The following SMC1B variants were observed in gnomAD, a reference collection of about 807,000 sequenced individuals.
SMC1B encodes the protein structural maintenance of chromosomes 1B.
Under a neutral mutation model 157.9 loss-of-function variants are expected in SMC1B, and 60 were observed. That is an observed-to-expected ratio of 0.38 (90% CI 0.31 to 0.47). SMC1B has a LOEUF of 0.47. SMC1B is among the 20% of genes least tolerant of loss of function. SMC1B has a pLI of 0.99. For missense variants in SMC1B, 1,165 were observed against 1,426.2 expected (o/e 0.82, Z 2.95); for synonymous variants, 445 against 483.0 (o/e 0.92, Z 1.03).
intron 18 of SMC1B, among the ~76,000 whole-genome samples, chr22:45,359,407 C>T (rs1320865688): frequency 2.0e-5 from 3 of 152,190 alleles, no homozygotes; most frequent in Non-Finnish European, 4.4e-5. Flanking sequence ...TCCGTCACCA[C>T]CTGGAGATAC....
intron 15 of SMC1B, 128 bp downstream of exon 15, chr22:45,369,826 A>C (rs2086813651): frequency 1.7e-6 from 1 of 600,836 alleles, no homozygotes; most frequent in South Asian, 2.1e-5. Flanking sequence ...TTACAAGCGT[A>C]AGCCACCGTG....
At position 45,394,687 on chromosome 22, in the gene SMC1B, G is replaced by T; in HGVS notation, c.1335C>A (p.Cys445Ter). 6.5e-7 allele frequency: 1 copy of T among 1,543,990 alleles called. No homozygotes were observed. The highest frequency in any genetic ancestry group is 8.8e-7 in the Non-Finnish European group (1 of 1,142,346). Reference sequence around the variant, plus strand: ...GAAATTTTTTTTACTCTACCTACATGCATGTCTTTGTATACTCCTCTAACT... The same window carrying T: ...GAAATTTTTTTTACTCTACCTACATTCATGTCTTTGTATACTCCTCTAACT... ...IEKLEEYTKT[C>*]MDCLKEKKQQ... Residue 445 changes from cysteine (C) to a stop codon, truncating the protein, a stop_gained and splice_region_variant, in exon 8 of 25, where the codon TGC (cysteine) becomes TGA (stop). Transcript: ENST00000357450. LOFTEE classifies it high-confidence loss of function.
Position 45,361,792 on chromosome 22 carries a change from G to C in SMC1B, c.2708+47C>G, listed in dbSNP as rs558259270. ...TACATTTCAGATAGTTGGTGTCCATGTTTAAAACTCTGACTAGGTCTTTCA... is the reference window on the plus strand; with the variant it reads ...TACATTTCAGATAGTTGGTGTCCATCTTTAAAACTCTGACTAGGTCTTTCA... On this transcript the variant is annotated intron_variant, in intron 17 of 24. Transcript: ENST00000357450. 5 of 1,573,572 alleles carry C rather than the reference G, an allele frequency of 3.2e-6. No homozygotes were observed. In the African/African-American group the frequency reaches 5.4e-5, roughly 17 times the overall value.
chr22:45,388,006 TGG>T (rs1326419352), intron 10 of SMC1B, among the ~76,000 whole-genome samples: 1 of 149,848 alleles, frequency 6.7e-6, no homozygotes, highest in African/African-American at 2.5e-5. Context: ...CACTCCAGCC[TGG>T]GTAACAAGGG....
In SMC1B at chr22:45,407,744, A is replaced by G. The variant is rs988168096; in HGVS notation, c.299-879T>C. On this transcript the variant is annotated intron_variant, in intron 2 of 24. Transcript: ENST00000357450. ...GATTACAGGCATGAGCCCCATGCCC[A>G]GCCTATATTATCTTATATAAAAATG... 2.0e-5 allele frequency among the ~76,000 whole-genome samples: 3 copies of G among 152,020 alleles called. No individual in the cohort carries two copies. In the East Asian group the frequency reaches 5.8e-4, roughly 30 times the overall value.
intron 15 of SMC1B, among the ~76,000 whole-genome samples, chr22:45,367,333 A>AGGTGATGC (rs2086786245): frequency 6.6e-6 from 1 of 152,122 alleles, no homozygotes; most frequent in African/African-American, 2.4e-5. Flanking sequence ...TTTTGGCACC[A>AGGTGATGC]GGTGATGCCT....
intron 2 of SMC1B, 39 bp downstream of exon 2, chr22:45,408,671 T>A (rs1453532571): frequency 7.0e-7 from 1 of 1,427,550 alleles, no homozygotes; most frequent in African/African-American, 1.5e-5. Flanking sequence ...CTTACTTGAC[T>A]CTTGAAAAAT....
chr22:45,383,613 T>C lies in SMC1B; in HGVS notation c.1912A>G (p.Thr638Ala). ...AATAATGTTCCATCAAGAGCTACTGTCTGTAAAAGTAAAAATATTTTGCCC... is the reference window on the plus strand; with the variant it reads ...AATAATGTTCCATCAAGAGCTACTGCCTGTAAAAGTAAAAATATTTTGCCC... ...IALSGPERQK[T>A]VALDGTLFLK... The change falls in exon 12 of 25, where the codon ACA (threonine) becomes GCA (alanine). Residue 638 changes from threonine (T) to alanine (A), a missense_variant and splice_region_variant. Transcript: ENST00000357450. The C allele has an allele frequency of 5.1e-6, 8 of 1,580,376 alleles. No individual in the cohort carries two copies. Among genetic ancestry groups the C allele is most frequent in the Non-Finnish European group, 6.8e-6 (8 of 1,170,928 alleles).
chr22:45,353,276 AAG>A (rs1462249610), intron 21 of SMC1B, among the ~76,000 whole-genome samples: 4 of 86,190 alleles, frequency 4.6e-5, no homozygotes, highest in African/African-American at 1.0e-4. Context: ...AAAAAAAAAA[AAG>A]AAAGAAAGAA....
At chr22:45,393,482 T>C in intron 9 of SMC1B, 152 bp downstream of exon 9, 2 of 609,520 alleles carry the variant, frequency 3.3e-6, no homozygotes, top group South Asian at 5.0e-5. Flanking sequence ...ACATTTTAAA[T>C]ATAAAGAGTC....
intron 12 of SMC1B, among the ~76,000 whole-genome samples, chr22:45,378,683 T>C (rs1346333315): frequency 6.6e-6 from 1 of 152,190 alleles, no homozygotes; most frequent in African/African-American, 2.4e-5. Flanking sequence ...TAACCTTTCC[T>C]TCTAAGAGTG....
At chr22:45,384,659 G>A (rs574271723) in intron 11 of SMC1B, among the ~76,000 whole-genome samples, 1 of 151,572 alleles carries the variant, frequency 6.6e-6, no homozygotes, top group East Asian at 1.9e-4. Context: ...GGCAGAGGTT[G>A]CAGTAAGCAG....
chr22:45,360,926 C>T (rs189211353), intron 17 of SMC1B, among the ~76,000 whole-genome samples: 1 of 150,770 alleles, frequency 6.6e-6, no homozygotes, highest in Non-Finnish European at 1.5e-5. Context: ...TTCAAATCGT[C>T]ATTGCCATCA....
chr22:45,378,784 C>T (rs2086907134), intron 12 of SMC1B, among the ~76,000 whole-genome samples: 1 of 152,068 alleles, frequency 6.6e-6, no homozygotes, highest in African/African-American at 2.4e-5. Context: ...GTGCTGCAAA[C>T]AGATTTATAA....
chr22:45,382,055 C>G (rs565904879), intron 12 of SMC1B, among the ~76,000 whole-genome samples: 63 of 152,022 alleles, frequency 4.1e-4, no homozygotes, highest in Middle Eastern at 6.8e-3. Flanking sequence ...AAGCTGGATC[C>G]CCAGTCATCA....
chr22:45,379,021 T>C (rs1222151996), intron 12 of SMC1B, among the ~76,000 whole-genome samples: 1 of 152,232 alleles, frequency 6.6e-6, no homozygotes, highest in East Asian at 1.9e-4. Context: ...CTTGCCTTGT[T>C]GCCCAGGCTG....
intron 17 of SMC1B, 111 bp downstream of exon 17, chr22:45,361,728 G>C: frequency 9.5e-7 from 1 of 1,053,168 alleles, no homozygotes; most frequent in Non-Finnish European, 1.4e-6. Flanking sequence ...GTGAGACCAA[G>C]AGCAACAAAG....
At chr22:45,408,634 C>T (rs1387742567) in intron 2 of SMC1B, 76 bp downstream of exon 2, 15 of 974,780 alleles carry the variant, frequency 1.5e-5, no homozygotes, top group Middle Eastern at 3.2e-4. Flanking sequence ...TAAACCATAC[C>T]CTCCAAAGAA....
intron 6 of SMC1B, among the ~76,000 whole-genome samples, chr22:45,397,286 G>A (rs1280615779): frequency 1.3e-5 from 2 of 152,164 alleles, no homozygotes; most frequent in East Asian, 3.9e-4. Flanking sequence ...GGAAGCCGAG[G>A]CAAGAGGATC....
Sources: gnomAD v4.1 joint callset for allele counts (sites outside exome capture counted in the v4.1 genomes callset) on GRCh38, gnomAD v4.1.1 for gene constraint, MANE v1.5 for transcripts, NCBI Gene and HGNC (gene_info 2026-07-23, HGNC 2026-07-21) for gene names.